The following OSCAR variants were observed in gnomAD, a reference collection of about 807,000 sequenced individuals.
The protein encoded by OSCAR is osteoclast-associated immunoglobulin-like receptor.
In OSCAR, 25 loss-of-function variants were observed where a neutral mutation model predicts 27.3. That is an observed-to-expected ratio of 0.92 (90% CI 0.67 to 1.28). The LOEUF is 1.28. Ranked by LOEUF, OSCAR falls within the 50% of genes most tolerant of loss-of-function variation. The probability of loss-of-function intolerance (pLI) is 0.00; values close to 1 mark genes in which losing one functional copy is unlikely to be tolerated. For synonymous variants in OSCAR, 158 were observed against 165.7 expected, an observed-to-expected ratio of 0.95 and a Z score of 0.36; for missense variants, 354 against 355.1, an observed-to-expected ratio of 1.00 and a Z score of 0.03.
intron 2 of OSCAR, among the ~76,000 whole-genome samples, chr19:54,098,842 C>T (rs1374507517): frequency 7.3e-5 from 11 of 151,466 alleles, no homozygotes; most frequent in South Asian, 2.1e-4. Context: ...AAAAATTATC[C>T]GGGCATTGTG....
rs776281303 is a variant in OSCAR at position 54,097,053 on chromosome 19, C to A, written c.182G>T (p.Arg61Ile). ...CTCTCCAGGCTTGAAAAGTCCAAAT[C>A]TCCAAGCGGGTTGGGGTGCCCGGCA... ...LRCRAPQPAW[R>I]FGLFKPGEIA... Residue 61 changes from arginine (R) to isoleucine (I), a missense_variant, in exon 3 of 5, where the codon AGA becomes ATA. Arg to Ile is a moderately conservative substitution (Grantham distance 97). Coordinates refer to ENST00000358375, the MANE Select transcript of OSCAR (RefSeq NM_133169.6). 4.3e-6 allele frequency: 7 copies of A among 1,614,204 alleles called. No homozygotes were observed. Among genetic ancestry groups the A allele is most frequent in the Non-Finnish European group, 5.9e-6 (7 of 1,180,032 alleles).
rs1460516659 is a variant in OSCAR at position 54,095,578 on chromosome 19, G to C, written c.656-221C>G. 7.2e-6 allele frequency: 9 copies of C among 1,247,110 alleles called. No individual in the cohort carries two copies. The Admixed American group carries it at 1.5e-4, about 21-fold the overall frequency. The allele number at this position is 1,247,110 out of a possible 1,614,324, so 77.3% of individuals were successfully genotyped here. A position where few individuals can be genotyped will look rare whatever the true frequency, so the allele number is the denominator to read the frequency against. On this transcript the variant is annotated intron_variant, in intron 4 of 4. Coordinates refer to ENST00000358375, the MANE Select transcript of OSCAR (RefSeq NM_133169.6). ...GGAGGGGCTGGGGGCCTGGAGTCCTGGGTCCAGGAAGGAGGGGCTGGGGGC... is the reference window on the plus strand; with the variant it reads ...GGAGGGGCTGGGGGCCTGGAGTCCTCGGTCCAGGAAGGAGGGGCTGGGGGC...
intron 1 of OSCAR, 128 bp from the exon 2 acceptor site, chr19:54,099,908 G>T: frequency 3.6e-6 from 4 of 1,113,492 alleles, no homozygotes; most frequent in South Asian, 1.6e-5. Context: ...TGCCTCCCAG[G>T]TTCAAGTGAT....
rs1394763420 is a variant in OSCAR, at chr19:54,096,098, G to T, written c.429C>A (p.Gly143=). The T allele has an allele frequency of 8.5e-6, 13 of 1,531,224 alleles. No homozygotes were observed. The highest frequency in any genetic ancestry group is 1.1e-5 in the Non-Finnish European group (13 of 1,144,988). 94.9% of individuals were successfully genotyped at this position (1,531,224 alleles called of 1,614,324 possible). The change falls in exon 4 of 5, where the codon GGC becomes GGA. Residue 143 remains glycine (G), a synonymous_variant. Transcript: ENST00000358375. Reference sequence around the variant, plus strand: ...CCGCGCAGCGCAGGCTCACGTTGGCGCCAGGACCCACCACCGGCCCGGGCA... The same window carrying T: ...CCGCGCAGCGCAGGCTCACGTTGGCTCCAGGACCCACCACCGGCCCGGGCA... The part of the protein sequence containing the change: ...VALPGPVVGP[G]ANVSLRCAGR...
intron 3 of OSCAR, 43 bp from the exon 4 acceptor site, chr19:54,096,196 C>A: frequency 1.4e-6 from 2 of 1,439,070 alleles, no homozygotes; most frequent in Non-Finnish European, 1.8e-6. Flanking sequence ...TGAGCGTCTT[C>A]CGCTCGCTCG....
At chr19:54,095,448 T>G (rs2072592788) in intron 4 of OSCAR, 91 bp from the exon 5 acceptor site, 2 of 1,485,194 alleles carry the variant, frequency 1.3e-6, no homozygotes, top group Admixed American at 2.5e-5. Flanking sequence ...TGGGGTGGAC[T>G]TAGGGACCTG....
At position 54,100,323 on chromosome 19, in the gene OSCAR, C is replaced by T. The variant is rs587737130; in HGVS notation, c.37+433G>A. Among the ~76,000 whole-genome samples, 3 of 152,248 alleles carry T rather than the reference C, an allele frequency of 2.0e-5. No homozygotes were observed. In the East Asian group the frequency reaches 5.8e-4, roughly 29 times the overall value. On this transcript the variant is annotated intron_variant, in intron 1 of 4. Transcript: ENST00000358375. ...CCTCTGGCCTGGGCAACCAAGAGTT[C>T]AGGCCCTTGAACTCCACCTTTCCAG...
intron 3 of OSCAR, 61 bp from the exon 4 acceptor site, chr19:54,096,214 T>C: frequency 3.7e-6 from 5 of 1,367,692 alleles, no homozygotes; most frequent in Non-Finnish European, 4.8e-6. Context: ...TCGCTCGCTC[T>C]GTTTCTCCTT....
Position 54,095,132 on chromosome 19 carries a change from G to A in OSCAR, c.*89C>T. The A allele has an allele frequency of 3.3e-6, 5 of 1,513,068 alleles. No homozygotes were observed. Among genetic ancestry groups the A allele is most frequent in the Non-Finnish European group, 3.6e-6 (4 of 1,126,606 alleles). 93.7% of individuals were successfully genotyped at this position (1,513,068 alleles called of 1,614,324 possible). A position where few individuals can be genotyped will look rare whatever the true frequency, so the allele number is the denominator to read the frequency against. ...TCCGCGGAGCTCAGCCAGCAGGACT[G>A]TGGGGCTGCAGGAAAGGACAGTCCA... is the stretch of plus-strand genomic sequence containing the variant. On this transcript the variant is annotated 3_prime_UTR_variant, in exon 5 of 5. Transcript: ENST00000358375.
In OSCAR at chr19:54,097,001, C is replaced by T. The variant is rs1378701118; in HGVS notation, c.234G>A (p.Val78=). 1.9e-6 allele frequency: 3 copies of T among 1,614,052 alleles called. No homozygotes were observed. The highest frequency in any genetic ancestry group is 3.3e-5 in the Admixed American group (2 of 59,990). ...GEIAPLLFRD[V]SSELAEFFLE... ...GAAAGAATTCTGCCAGCTCGGAGGA[C>T]ACATCCCGGAAGAGAAGGGGAGCGA... is the stretch of plus-strand genomic sequence containing the variant. The change falls in exon 3 of 5, where the codon GTG becomes GTA. Residue 78 remains valine (V), a synonymous_variant. Transcript: ENST00000358375.
At position 54,097,232 on chromosome 19, in the gene OSCAR, G is replaced by A. The variant is rs587658523; in HGVS notation, c.71-68C>T. ...CCCCAGAAGATGAAAGGGAAGTTGG[G>A]GAAGGAGGAAAATCACCTTGGACAA... On this transcript the variant is annotated intron_variant, in intron 2 of 4. Transcript: ENST00000358375. The A allele has an allele frequency of 8.1e-5, 120 of 1,477,350 alleles. No individual in the cohort carries two copies. In the African/African-American group the frequency reaches 1.3e-3, roughly 16 times the overall value. 91.5% of individuals were successfully genotyped at this position (1,477,350 alleles called of 1,614,324 possible). A position where few individuals can be genotyped will look rare whatever the true frequency, so the allele number is the denominator to read the frequency against.
At position 54,095,033 on chromosome 19, in the gene OSCAR, T is replaced by G; in HGVS notation, c.*188A>C. The G allele has an allele frequency of 2.0e-6, 2 of 987,804 alleles. No homozygotes were observed. The highest frequency in any genetic ancestry group is 2.8e-6 in the Non-Finnish European group (2 of 719,704). The allele number at this position is 987,804 out of a possible 1,614,324, so 61.2% of individuals were successfully genotyped here. On this transcript the variant is annotated 3_prime_UTR_variant, in exon 5 of 5. Coordinates refer to ENST00000358375, the MANE Select transcript of OSCAR (RefSeq NM_133169.6). ...GGAAGTCTTAACCACTAATCGCGTC[T>G]TCCTTTCAGCTACTCCTTGGGAAAG...
At chr19:54,096,248 G>A in intron 3 of OSCAR, 95 bp from the exon 4 acceptor site, 3 of 1,117,990 alleles carry the variant, frequency 2.7e-6, no homozygotes, top group Non-Finnish European at 3.7e-6. Context: ...CGCTTTCTCT[G>A]TGCCTCTCTC....
At chr19:54,099,360 C>A (rs112353113) in intron 2 of OSCAR, among the ~76,000 whole-genome samples, 1 of 150,390 alleles carries the variant, frequency 6.6e-6, no homozygotes, top group South Asian at 2.1e-4. Context: ...TTGGCCATTG[C>A]GCCCAGCCCA....
chr19:54,100,719 C>G, intron 1 of OSCAR, 37 bp downstream of exon 1: 2 of 1,548,568 alleles, frequency 1.3e-6, no homozygotes, highest in Non-Finnish European at 1.7e-6. Flanking sequence ...CCCCCAACCC[C>G]AGCCAGGAAC....
chr19:54,100,061 C>T (rs1212153884), intron 1 of OSCAR, among the ~76,000 whole-genome samples: 6 of 152,178 alleles, frequency 3.9e-5, no homozygotes, highest in Admixed American at 3.9e-4. Context: ...ATCCACCCGC[C>T]TCGGCCTCCC....
At chr19:54,096,600 GCCTC>G (rs201111061) in intron 3 of OSCAR, among the ~76,000 whole-genome samples, 14 of 114,922 alleles carry the variant, frequency 1.2e-4, no homozygotes, top group East Asian at 5.0e-4. Context: ...CTCTCTCTCT[GCCTC>G]CCTCTCTCTC....
In OSCAR at chr19:54,097,042, A is replaced by G; in HGVS notation, c.193T>C (p.Phe65Leu). ...APQPAWRFGL[F>L]KPGEIAPLLF... The stretch of plus-strand genomic sequence containing the variant: ...AGGGGAGCGATCTCTCCAGGCTTGA[A>G]AAGTCCAAATCTCCAAGCGGGTTGG... The change falls in exon 3 of 5, where the codon TTC becomes CTC. Residue 65 changes from phenylalanine to leucine, a missense_variant. Phe to Leu is a conservative substitution (Grantham distance 22, BLOSUM62 0). Transcript: ENST00000358375. The G allele has an allele frequency of 6.2e-7, 1 of 1,614,176 alleles. No homozygotes were observed. The highest frequency in any genetic ancestry group is 8.5e-7 in the Non-Finnish European group (1 of 1,180,036).
intron 2 of OSCAR, among the ~76,000 whole-genome samples, chr19:54,097,524 A>G (rs587675282): frequency 6.7e-6 from 1 of 150,356 alleles, no homozygotes; most frequent in Non-Finnish European, 1.5e-5. Flanking sequence ...GCCTCAAGCA[A>G]TCCTCCCACC....
Sources: allele counts gnomAD v4.1 joint callset (sites outside exome capture counted in the v4.1 genomes callset), GRCh38; gene constraint gnomAD v4.1.1; transcripts MANE v1.5; gene names NCBI Gene and HGNC (gene_info 2026-07-23, HGNC 2026-07-21).